The following PDIA5 variants were observed in gnomAD, a reference collection of about 807,000 sequenced individuals.
PDIA5 encodes the protein protein disulfide isomerase family A member 5, also known as protein disulfide-isomerase A5.
Under a neutral mutation model 77.6 loss-of-function variants are expected in PDIA5, and 58 were observed. The ratio of observed to expected loss-of-function variants is 0.75; its 90% confidence interval spans 0.61 to 0.93. The LOEUF (loss-of-function observed/expected upper bound fraction) is 0.93. Ranked by LOEUF, PDIA5 falls within the 40% of genes least tolerant of loss-of-function variation. The pLI is 0.00. For missense variants in PDIA5, 630 were observed against 647.7 expected (o/e 0.97, Z 0.30); for synonymous variants, 250 against 252.1 (o/e 0.99, Z 0.08).
At chr3:123,105,231 A>G (rs1039442329) in intron 5 of PDIA5, among the ~76,000 whole-genome samples, 4 of 152,238 alleles carry the variant, frequency 2.6e-5, no homozygotes, top group African/African-American at 7.2e-5. Context: ...ATCAAAGTCA[A>G]TGTTTTCACA....
At chr3:123,104,509 G>T (rs546505742) in intron 5 of PDIA5, among the ~76,000 whole-genome samples, 1 of 152,374 alleles carries the variant, frequency 6.6e-6, no homozygotes, top group African/African-American at 2.4e-5. Context: ...TCTGGCTGTG[G>T]TTTTTGTCAA....
At chr3:123,097,740 C>T (rs1420274157) in intron 3 of PDIA5, among the ~76,000 whole-genome samples, 3 of 151,696 alleles carry the variant, frequency 2.0e-5, no homozygotes, top group Non-Finnish European at 2.9e-5. Flanking sequence ...GCACTTTCTA[C>T]GTTTCTTCTC....
chr3:123,160,958 A>G (rs1178061623), intron 15 of PDIA5, among the ~76,000 whole-genome samples: 1 of 152,170 alleles, frequency 6.6e-6, no homozygotes, highest in Non-Finnish European at 1.5e-5. Context: ...TGTTCCGGAA[A>G]TATTAGTGGA....
chr3:123,081,367 G>A (rs980321691), intron 1 of PDIA5, among the ~76,000 whole-genome samples: 2 of 152,136 alleles, frequency 1.3e-5, no homozygotes, highest in South Asian at 4.1e-4. Flanking sequence ...CTCCAAGTAC[G>A]GTGTTCTTTC....
intron 11 of PDIA5, among the ~76,000 whole-genome samples, chr3:123,140,383 A>G (rs996810264): frequency 1.3e-5 from 2 of 151,906 alleles, no homozygotes; most frequent in Non-Finnish European, 2.9e-5. Flanking sequence ...TGTTTTGAAA[A>G]TATACCCCGG....
At chr3:123,093,335 C>T (rs533166942) in intron 3 of PDIA5, among the ~76,000 whole-genome samples, 11 of 152,234 alleles carry the variant, frequency 7.2e-5, no homozygotes, top group South Asian at 4.1e-4. Flanking sequence ...AGGTTGCTCA[C>T]CAGGCAGTAG....
At chr3:123,108,050 G>C (rs1409193718) in intron 6 of PDIA5, among the ~76,000 whole-genome samples, 1 of 152,122 alleles carries the variant, frequency 6.6e-6, no homozygotes, top group African/African-American at 2.4e-5. Context: ...TCCTGCCTCA[G>C]CCTCCCAAAG....
intron 1 of PDIA5, among the ~76,000 whole-genome samples, chr3:123,069,692 G>A (rs1045432918): frequency 5.3e-5 from 8 of 152,046 alleles, no homozygotes; most frequent in African/African-American, 7.3e-5. Flanking sequence ...ATTCATGAGC[G>A]ATCCACCCTC....
chr3:123,143,198 A>G (rs1237521691), intron 11 of PDIA5, among the ~76,000 whole-genome samples: 1 of 151,968 alleles, frequency 6.6e-6, no homozygotes, highest in African/African-American at 2.4e-5. Flanking sequence ...ATCCTGGCTA[A>G]CACAGTGAAA....
At chr3:123,130,439 C>T in intron 10 of PDIA5, 41 bp from the exon 11 acceptor site, 1 of 1,589,336 alleles carries the variant, frequency 6.3e-7, no homozygotes, top group South Asian at 1.1e-5. Flanking sequence ...TGCCAAGGCC[C>T]CAGGGCCTGC....
chr3:123,147,096 C>T (rs1935792113), intron 13 of PDIA5, among the ~76,000 whole-genome samples: 1 of 152,194 alleles, frequency 6.6e-6, no homozygotes, highest in African/African-American at 2.4e-5. Context: ...CAGGCGTGAA[C>T]CACCATGTGC....
intron 11 of PDIA5, among the ~76,000 whole-genome samples, chr3:123,137,454 T>G (rs573846338): frequency 1.3e-5 from 2 of 152,378 alleles, no homozygotes; most frequent in East Asian, 1.9e-4. Flanking sequence ...TCCATTAGTC[T>G]ATTTCTTGCT....
At chr3:123,077,667 A>T (rs1247345422) in intron 1 of PDIA5, among the ~76,000 whole-genome samples, 1 of 152,094 alleles carries the variant, frequency 6.6e-6, no homozygotes, top group Non-Finnish European at 1.5e-5. Flanking sequence ...ATTGGGAAAC[A>T]TCGGTAGTGA....
Position 123,124,066 on chromosome 3 carries a change from G to T in PDIA5, c.610G>T (p.Val204Leu). ...KAATQLRGHAVLAGMNVYSSE... is the reference protein window; with the variant it reads ...KAATQLRGHALLAGMNVYSSE... ...ACGGCTCTTCTCCGCTTCCTCCCAG[G>T]TGCTGGCCGGGATGAATGTCTACTC... is the stretch of plus-strand genomic sequence containing the variant. The change falls in exon 9 of 17, where the codon GTG becomes TTG. Residue 204 changes from valine (V) to leucine (L), a missense_variant and splice_region_variant. By Grantham distance (32) the Val-to-Leu change is conservative (BLOSUM62 1). Transcript: ENST00000316218. 6.2e-7 allele frequency: 1 copy of T among 1,611,452 alleles called. No individual in the cohort carries two copies.
At chr3:123,120,347 G>A (rs942690866) in intron 8 of PDIA5, among the ~76,000 whole-genome samples, 1 of 152,196 alleles carries the variant, frequency 6.6e-6, no homozygotes, top group Non-Finnish European at 1.5e-5. Flanking sequence ...AAATGGAGAT[G>A]ATAATGCCAA....
intron 11 of PDIA5, among the ~76,000 whole-genome samples, chr3:123,141,987 C>G (rs1008990381): frequency 3.3e-5 from 5 of 152,176 alleles, no homozygotes; most frequent in African/African-American, 1.2e-4. Flanking sequence ...TGAGCAAGTT[C>G]AGGTAGTCCA....
chr3:123,077,669 C>G (rs1204300552), intron 1 of PDIA5, among the ~76,000 whole-genome samples: 1 of 152,078 alleles, frequency 6.6e-6, no homozygotes, highest in Non-Finnish European at 1.5e-5. Flanking sequence ...TGGGAAACAT[C>G]GGTAGTGAGA....
chr3:123,075,971 T>C (rs149729237), intron 1 of PDIA5, among the ~76,000 whole-genome samples: 25 of 152,352 alleles, frequency 1.6e-4, no homozygotes, highest in African/African-American at 4.8e-4. Flanking sequence ...GTCACCATTG[T>C]CTGCTTGGTG....
intron 1 of PDIA5, among the ~76,000 whole-genome samples, chr3:123,069,867 A>G (rs190544464): frequency 1.1e-4 from 17 of 152,220 alleles, no homozygotes; most frequent in Non-Finnish European, 1.6e-4. Context: ...AGGCGGGTGG[A>G]TCACCTGAGG....
Sources: gnomAD v4.1 joint callset for allele counts (sites outside exome capture counted in the v4.1 genomes callset) on GRCh38, gnomAD v4.1.1 for gene constraint, MANE v1.5 for transcripts, NCBI Gene and HGNC (gene_info 2026-07-23, HGNC 2026-07-21) for gene names.